PDE1C: variants seen among roughly 807,000 people sequenced by gnomAD.
PDE1C encodes phosphodiesterase 1C, also known as dual specificity calcium/calmodulin-dependent 3',5'-cyclic nucleotide phosphodiesterase 1C.
A neutral mutation model predicts 93.1 loss-of-function variants in PDE1C; 62 were observed. That is an observed-to-expected ratio of 0.67 (90% CI 0.54 to 0.82). The LOEUF is 0.82. Among genes scored for constraint, PDE1C ranks in the 40% least tolerant of loss-of-function variants. The pLI is 0.00. For synonymous variants in PDE1C, 325 were observed against 310.1 expected (o/e 1.05, Z -0.50); for missense variants, 742 against 884.6 (o/e 0.84, Z 2.04).
At chr7:32,192,820 T>C (rs1804327914) in intron 2 of PDE1C, among the ~76,000 whole-genome samples, 1 of 152,170 alleles carries the variant, frequency 6.6e-6, no homozygotes, top group South Asian at 2.1e-4. Context: ...GAACACAGTA[T>C]GCATCTCCAC....
intron 1 of PDE1C, among the ~76,000 whole-genome samples, chr7:32,234,151 A>G (rs1439010670): frequency 2.0e-5 from 3 of 152,052 alleles, no homozygotes; most frequent in Non-Finnish European, 1.5e-5. Context: ...CAACTAAAGC[A>G]GTGCTTTAAA....
chr7:31,819,943 C>A (rs753690302), intron 14 of PDE1C, among the ~76,000 whole-genome samples: 102 of 152,128 alleles, frequency 6.7e-4, no homozygotes, highest in African/African-American at 2.2e-3. Context: ...CAGTTCTATA[C>A]AAGAACAAAG....
chr7:32,085,889 C>T (rs1432086343), intron 3 of PDE1C, among the ~76,000 whole-genome samples: 1 of 146,904 alleles, frequency 6.8e-6, no homozygotes, highest in African/African-American at 2.5e-5. Flanking sequence ...AAACCCACAG[C>T]CAATATCATA....
At chr7:32,137,442 T>C (rs973322464) in intron 3 of PDE1C, among the ~76,000 whole-genome samples, 1 of 152,180 alleles carries the variant, frequency 6.6e-6, no homozygotes, top group Non-Finnish European at 1.5e-5. Context: ...GTCACCATTA[T>C]TAAAAAGCAA....
chr7:31,620,186 GACAA>G, the PDE1C span, among the ~76,000 whole-genome samples: 339 of 152,244 alleles, frequency 2.2e-3, no homozygotes, highest in African/African-American at 7.8e-3. Context: ...GCAGGGCACA[GACAA>G]ACAAAAAGAC....
chr7:31,951,248 A>G (rs556343963), intron 2 of PDE1C, among the ~76,000 whole-genome samples: 1 of 152,216 alleles, frequency 6.6e-6, no homozygotes, highest in South Asian at 2.1e-4. Flanking sequence ...TTTTGTCCAT[A>G]TTTTTCATTT....
intron 16 of PDE1C, chr7:31,783,463 T>C (rs1468056246): frequency 6.6e-6 from 1 of 152,104 alleles, no homozygotes; most frequent in Non-Finnish European, 1.5e-5. Flanking sequence ...AGACAGAACA[T>C]GGACAACAAT....
chr7:31,990,128 T>C (rs1244324093), intron 2 of PDE1C, among the ~76,000 whole-genome samples: 1 of 152,110 alleles, frequency 6.6e-6, no homozygotes, highest in Non-Finnish European at 1.5e-5. Context: ...CCTAAACTGG[T>C]GGGTTGATGG....
chr7:31,998,683 T>C (rs1785075586), intron 2 of PDE1C, among the ~76,000 whole-genome samples: 1 of 152,202 alleles, frequency 6.6e-6, no homozygotes, highest in African/African-American at 2.4e-5. Flanking sequence ...ATCATATACA[T>C]CATGATTTGA....
intron 3 of PDE1C, among the ~76,000 whole-genome samples, chr7:32,156,901 C>A (rs1190029344): frequency 6.6e-6 from 1 of 152,068 alleles, no homozygotes; most frequent in Non-Finnish European, 1.5e-5. Flanking sequence ...ACAAAGGTAC[C>A]CTGACAGTGG....
At chr7:32,307,210 A>G (rs921525768) in intron 1 of PDE1C, among the ~76,000 whole-genome samples, 2 of 152,128 alleles carry the variant, frequency 1.3e-5, no homozygotes, top group African/African-American at 2.4e-5. Context: ...GAAGCCCAAT[A>G]TAGGTTGTGG....
intron 2 of PDE1C, among the ~76,000 whole-genome samples, chr7:32,031,493 A>G (rs1790314119): frequency 6.6e-6 from 1 of 152,148 alleles, no homozygotes; most frequent in African/African-American, 2.4e-5. Context: ...AGGAGAGAAT[A>G]GGGTGGAATC....
At chr7:32,337,273 T>A (rs1024055935) in intron 1 of PDE1C, among the ~76,000 whole-genome samples, 2 of 152,096 alleles carry the variant, frequency 1.3e-5, no homozygotes, top group African/African-American at 4.8e-5. Context: ...CGGAAGTCAA[T>A]CTTGAACAAG....
intron 1 of PDE1C, among the ~76,000 whole-genome samples, chr7:32,268,361 C>T (rs4368880): frequency 0.57 from 86,389 of 151,960 alleles, 25,976 homozygotes; most frequent in Admixed American, 0.68. Context: ...CCACATCTCC[C>T]GCCTCAGTTT....
At chr7:32,124,915 A>G (rs1799490299) in intron 3 of PDE1C, among the ~76,000 whole-genome samples, 1 of 152,192 alleles carries the variant, frequency 6.6e-6, no homozygotes. Context: ...CAAAAGAACT[A>G]TCATTAGAGT....
chr7:31,970,452 C>A (rs2129048027), intron 2 of PDE1C, among the ~76,000 whole-genome samples: 1 of 152,336 alleles, frequency 6.6e-6, no homozygotes, highest in South Asian at 2.1e-4. Flanking sequence ...GTTTCAATAG[C>A]ATGTGTTTCT....
chr7:32,029,497 AT>A (rs1563218829), intron 2 of PDE1C, among the ~76,000 whole-genome samples: 5 of 152,250 alleles, frequency 3.3e-5, no homozygotes, highest in Non-Finnish European at 5.9e-5. Flanking sequence ...TATCTTTGTG[AT>A]AGAATAAATC....
chr7:31,692,093 C>A, the PDE1C span, among the ~76,000 whole-genome samples: 1 of 152,202 alleles, frequency 6.6e-6, no homozygotes, highest in Non-Finnish European at 1.5e-5. Flanking sequence ...AGCTAATTCA[C>A]TTCTTATTCA....
At chr7:31,854,921 G>C (rs1793806139) in intron 7 of PDE1C, among the ~76,000 whole-genome samples, 3 of 151,976 alleles carry the variant, frequency 2.0e-5, no homozygotes, top group Admixed American at 2.0e-4. Flanking sequence ...ACAAAAATCA[G>C]CCGGGTGTGC....
Sources: allele counts gnomAD v4.1 joint callset (sites outside exome capture counted in the v4.1 genomes callset), GRCh38; gene constraint gnomAD v4.1.1; transcripts MANE v1.5; gene names NCBI Gene and HGNC (gene_info 2026-07-23, HGNC 2026-07-21).